The following CFAP418 variants were observed in gnomAD, a reference collection of about 807,000 sequenced individuals.
CFAP418 encodes cilia and flagella associated protein 418.
Under a neutral mutation model 24.7 loss-of-function variants are expected in CFAP418, and 27 were observed. The ratio of observed to expected loss-of-function variants is 1.09; its 90% CI spans 0.81 to 1.51. The LOEUF is 1.51. CFAP418 is among the 40% of genes most tolerant of loss of function. The pLI, the probability that CFAP418 is intolerant of heterozygous loss-of-function variation, is 0.00. For missense variants in CFAP418, 257 were observed against 255.2 expected (o/e 1.01, Z -0.05); for synonymous variants, 74 against 87.3 (o/e 0.85, Z 0.85).
At chr8:95,266,662 T>TG (rs1811984402) in intron 1 of CFAP418, among the ~76,000 whole-genome samples, 1 of 152,194 alleles carries the variant, frequency 6.6e-6, no homozygotes, top group Non-Finnish European at 1.5e-5. Flanking sequence ...GGACTATATT[T>TG]GGTATAAGGT....
intron 4 of CFAP418, among the ~76,000 whole-genome samples, chr8:95,252,953 T>C (rs1269355289): frequency 2.0e-5 from 3 of 152,212 alleles, no homozygotes; most frequent in Non-Finnish European, 4.4e-5. Context: ...AGCATGATCC[T>C]ATTTTTGTAA....
chr8:95,248,621 A>G (rs1416059433), intron 5 of CFAP418, among the ~76,000 whole-genome samples: 2 of 152,228 alleles, frequency 1.3e-5, no homozygotes, highest in African/African-American at 4.8e-5. Flanking sequence ...TAAAAATGAT[A>G]AACACTGGAT....
intron 5 of CFAP418, among the ~76,000 whole-genome samples, chr8:95,247,977 G>C (rs1188499687): frequency 6.6e-6 from 1 of 152,020 alleles, no homozygotes; most frequent in African/African-American, 2.4e-5. Context: ...AAGTAGCTGA[G>C]ACCACAGGCA....
intron 5 of CFAP418, among the ~76,000 whole-genome samples, chr8:95,249,273 C>A (rs1246794138): frequency 2.0e-5 from 3 of 152,176 alleles, no homozygotes; most frequent in Non-Finnish European, 4.4e-5. Flanking sequence ...TCATTCCATT[C>A]TTAAAGAAAA....
intron 4 of CFAP418, among the ~76,000 whole-genome samples, chr8:95,255,309 A>G (rs1360250113): frequency 1.3e-5 from 2 of 152,056 alleles, no homozygotes; most frequent in African/African-American, 4.8e-5. Flanking sequence ...GCATGGCCAG[A>G]TACTCTCTGT....
At position 95,246,461 on chromosome 8, in the gene CFAP418, T is replaced by G. The variant is rs1314913095; in HGVS notation, c.*1156A>C. ...TTCAGTAGGGTGGCTGGAATAAATT[T>G]AGCATAAGACTAAGAAGATTATAAC... is the stretch of plus-strand genomic sequence containing the variant. On this transcript the variant is annotated 3_prime_UTR_variant, in exon 6 of 6. Transcript: ENST00000286688. 6.6e-6 allele frequency: 1 copy of G among 152,224 alleles called. No individual in the cohort carries two copies. The highest frequency in any genetic ancestry group is 1.5e-5 in the Non-Finnish European group (1 of 68,030). 9.4% of individuals were successfully genotyped at this position (152,224 alleles called of 1,614,324 possible). A position where few individuals can be genotyped will look rare whatever the true frequency, so the allele number is the denominator to read the frequency against.
At chr8:95,255,948 C>T (rs892379245) in intron 4 of CFAP418, among the ~76,000 whole-genome samples, 1 of 152,212 alleles carries the variant, frequency 6.6e-6, no homozygotes, top group Non-Finnish European at 1.5e-5. Context: ...TCTGTGAATA[C>T]AAACATTTAC....
rs1013267015 is a variant in CFAP418 at position 95,247,034 on chromosome 8, A to G, written c.*583T>C. 15 of 153,042 alleles carry G rather than the reference A, an allele frequency of 9.8e-5. No individual in the cohort carries two copies. The highest frequency in any genetic ancestry group is 3.6e-4 in the African/African-American group (15 of 41,466). 9.5% of individuals were successfully genotyped at this position (153,042 alleles called of 1,614,324 possible). On this transcript the variant is annotated 3_prime_UTR_variant, in exon 6 of 6. Transcript: ENST00000286688. ...TGGTAACATGTATTTAATATTGTGCATAACATTGCTTTGAGTTGATGAGGT... is the reference window on the plus strand; with the variant it reads ...TGGTAACATGTATTTAATATTGTGCGTAACATTGCTTTGAGTTGATGAGGT...
rs1433109687 is a variant in CFAP418 at position 95,245,843 on chromosome 8, T to A, written c.*1774A>T. 4 of 152,186 alleles carry A rather than the reference T, an allele frequency of 2.6e-5. No homozygotes were observed. Among genetic ancestry groups the A allele is most frequent in the African/African-American group, 9.7e-5 (4 of 41,448 alleles). The allele number at this position is 152,186 out of a possible 1,614,324, so 9.4% of individuals were successfully genotyped here. A position where few individuals can be genotyped will look rare whatever the true frequency, so the allele number is the denominator to read the frequency against. On this transcript the variant is annotated 3_prime_UTR_variant, in exon 6 of 6. Coordinates refer to ENST00000286688, the MANE Select transcript of CFAP418 (RefSeq NM_177965.4). ...GAATAATGTGTCAAATTCTATGAGG[T>A]TCTAAATGTGTGGATCTTGTTGCTC... is the stretch of plus-strand genomic sequence containing the variant.
rs1354201991 is a variant in CFAP418 at position 95,263,748 on chromosome 8, T to C, written c.182A>G (p.Asp61Gly). Residue 61 changes from aspartate (D) to glycine (G), a missense_variant, in exon 2 of 6, where the codon GAT (aspartate) becomes GGT (glycine). By Grantham distance (94) the Asp-to-Gly change is moderately conservative. Transcript: ENST00000286688. ...TTCATTAATAAGACTGTCAAGATCA[T>C]CTTCTTTTTTAAATGTTTCTGTTGA... ...LRSTETFKKE[D>G]DLDSLINEIL... 3.7e-6 allele frequency: 6 copies of C among 1,608,078 alleles called. No homozygotes were observed. The highest frequency in any genetic ancestry group is 3.3e-5 in the South Asian group (3 of 90,834).
chr8:95,250,215 C>T (rs1251301036), intron 5 of CFAP418, among the ~76,000 whole-genome samples: 1 of 152,214 alleles, frequency 6.6e-6, no homozygotes, highest in Non-Finnish European at 1.5e-5. Flanking sequence ...TTAGCTGTTC[C>T]ATTCTCTTAT....
chr8:95,259,998 G>T, intron 3 of CFAP418, 93 bp from the exon 4 acceptor site: 2 of 902,026 alleles, frequency 2.2e-6, no homozygotes, highest in Non-Finnish European at 3.4e-6. Context: ...TGGTTTTATT[G>T]ACTTTATGTT....
At chr8:95,267,470 G>T (rs186060800) in intron 1 of CFAP418, among the ~76,000 whole-genome samples, 3,187 of 152,214 alleles carry the variant, frequency 0.021, 63 homozygotes, top group Non-Finnish European at 0.034. Context: ...GCGTGGTGGC[G>T]GGCGCCTGTA....
chr8:95,261,959 T>C (rs1811900175), intron 2 of CFAP418, among the ~76,000 whole-genome samples: 1 of 152,244 alleles, frequency 6.6e-6, no homozygotes, highest in Non-Finnish European at 1.5e-5. Flanking sequence ...GGCATTACTA[T>C]TCAGTGCTTA....
In CFAP418 at chr8:95,252,863, G is replaced by C. The variant is rs4734303; in HGVS notation, c.375-580C>G. On this transcript the variant is annotated intron_variant, in intron 4 of 5. Coordinates refer to ENST00000286688, the MANE Select transcript of CFAP418 (RefSeq NM_177965.4). ...TAGAGCTTTGATTGCAGTGAGAGAA[G>C]AAACAAACAATGCTCATGATAACTA... Among the ~76,000 whole-genome samples, 408 of 152,298 alleles carry C rather than the reference G, an allele frequency of 2.7e-3. 6 individuals are homozygous for C. The highest frequency in any genetic ancestry group is 0.017 in the Admixed American group (260 of 15,302).
At chr8:95,251,724 G>T (rs1461842151) in intron 5 of CFAP418, among the ~76,000 whole-genome samples, 4 of 152,142 alleles carry the variant, frequency 2.6e-5, no homozygotes, top group African/African-American at 9.7e-5. Flanking sequence ...AGAAGGAGAT[G>T]GATGACAGAA....
intron 5 of CFAP418, among the ~76,000 whole-genome samples, chr8:95,250,920 G>A (rs1400051763): frequency 2.0e-5 from 3 of 152,104 alleles, no homozygotes; most frequent in African/African-American, 7.2e-5. Flanking sequence ...ACCCAAGAAT[G>A]GCTGCCAAAA....
intron 1 of CFAP418, among the ~76,000 whole-genome samples, chr8:95,268,684 C>T (rs1272654207): frequency 2.0e-5 from 3 of 150,992 alleles, no homozygotes; most frequent in Non-Finnish European, 4.4e-5. Flanking sequence ...CGGTCCCCGA[C>T]TAGAACCTCC....
chr8:95,264,003 A>G (rs571233450), intron 1 of CFAP418, among the ~76,000 whole-genome samples: 2 of 152,322 alleles, frequency 1.3e-5, no homozygotes, highest in East Asian at 1.9e-4. Context: ...GATATTACAT[A>G]CTTCAGACAT....
Sources: gnomAD v4.1 joint callset for allele counts (sites outside exome capture counted in the v4.1 genomes callset) on GRCh38, gnomAD v4.1.1 for gene constraint, MANE v1.5 for transcripts, NCBI Gene and HGNC (gene_info 2026-07-23, HGNC 2026-07-21) for gene names.